Variants in DLG2 observed in about 807,000 individuals in gnomAD.
DLG2 encodes disks large homolog 2.
DLG2 carries 45 observed loss-of-function variants against 132.5 expected under a neutral mutation model. The ratio of observed to expected loss-of-function variants is 0.34; its 90% CI spans 0.27 to 0.44. The LOEUF is 0.44. DLG2 is among the 20% of genes least tolerant of loss of function. The pLI, the probability that DLG2 is intolerant of heterozygous loss-of-function variation, is 1.00. For missense variants in DLG2, 1,045 were observed against 1,196.9 expected, an observed-to-expected ratio of 0.87 and a Z score of 1.87; for synonymous variants, 424 against 419.6, an observed-to-expected ratio of 1.01 and a Z score of -0.13.
intron 27 of DLG2, among the ~76,000 whole-genome samples, chr11:83,461,197 AC>A (rs1211444533): frequency 3.3e-5 from 5 of 151,652 alleles, no homozygotes; most frequent in African/African-American, 1.2e-4. Context: ...TTTAGTAGAG[AC>A]GGGGGTTTCA....
chr11:85,321,150 AT>A (rs1466575613), intron 3 of DLG2, among the ~76,000 whole-genome samples: 1 of 151,986 alleles, frequency 6.6e-6, no homozygotes, highest in Admixed American at 6.6e-5. Context: ...TATTGGATAT[AT>A]TTTGAAGATA....
At chr11:84,176,518 C>A (rs1169607849) in intron 8 of DLG2, among the ~76,000 whole-genome samples, 1 of 151,468 alleles carries the variant, frequency 6.6e-6, no homozygotes, top group Non-Finnish European at 1.5e-5. Context: ...CTGTTAGATT[C>A]AATTAACTTA....
At chr11:84,374,627 G>T (rs190236766) in intron 7 of DLG2, among the ~76,000 whole-genome samples, 4 of 152,194 alleles carry the variant, frequency 2.6e-5, no homozygotes, top group African/African-American at 7.2e-5. Context: ...TTGTCACCTT[G>T]TTGGGCATTC....
At chr11:84,169,618 ATC>A (rs1210741307) in intron 8 of DLG2, among the ~76,000 whole-genome samples, 2 of 152,100 alleles carry the variant, frequency 1.3e-5, no homozygotes, top group African/African-American at 4.8e-5. Flanking sequence ...CACCCCTATA[ATC>A]TCAGCACTTT....
chr11:84,530,054 A>T (rs1180336649), intron 7 of DLG2, among the ~76,000 whole-genome samples: 1 of 152,210 alleles, frequency 6.6e-6, no homozygotes, highest in Non-Finnish European at 1.5e-5. Flanking sequence ...AGGACTCCCT[A>T]GTCAATAAAT....
At chr11:83,933,000 C>T (rs551070412) in intron 14 of DLG2, among the ~76,000 whole-genome samples, 2 of 152,308 alleles carry the variant, frequency 1.3e-5, no homozygotes, top group East Asian at 3.9e-4. Context: ...GCACAGTGGG[C>T]TCCTCACAGA....
chr11:83,994,442 C>T (rs1259271478), intron 11 of DLG2, among the ~76,000 whole-genome samples: 1 of 151,964 alleles, frequency 6.6e-6, no homozygotes, highest in Non-Finnish European at 1.5e-5. Flanking sequence ...CTATGTTGTC[C>T]AGGCTGGACT....
intron 19 of DLG2, among the ~76,000 whole-genome samples, chr11:83,599,269 C>T (rs1459442429): frequency 6.6e-6 from 1 of 152,166 alleles, no homozygotes; most frequent in Non-Finnish European, 1.5e-5. Flanking sequence ...CTCGGACTTC[C>T]CCTTCCCTCA....
intron 7 of DLG2, among the ~76,000 whole-genome samples, chr11:84,319,725 A>G (rs946081931): frequency 6.6e-6 from 1 of 152,196 alleles, no homozygotes; most frequent in Non-Finnish European, 1.5e-5. Flanking sequence ...CAGAATTTCT[A>G]TTTTAATAAC....
chr11:85,185,661 T>C (rs542469979), intron 4 of DLG2, among the ~76,000 whole-genome samples: 1 of 151,896 alleles, frequency 6.6e-6, no homozygotes, highest in Admixed American at 6.6e-5. Flanking sequence ...CTTTCCACTG[T>C]CTACCCATTT....
At chr11:85,508,140 A>G (rs939497714) in intron 3 of DLG2, among the ~76,000 whole-genome samples, 3 of 152,082 alleles carry the variant, frequency 2.0e-5, no homozygotes, top group Non-Finnish European at 2.9e-5. Flanking sequence ...CTTATTTGCA[A>G]TGGGTTCAAA....
At chr11:84,340,945 G>A (rs1189249901) in intron 7 of DLG2, among the ~76,000 whole-genome samples, 1 of 152,128 alleles carries the variant, frequency 6.6e-6, no homozygotes, top group Non-Finnish European at 1.5e-5. Context: ...GAGCTACGTG[G>A]AAGAACAGTA....
At chr11:83,914,766 T>C (rs2076648799) in intron 15 of DLG2, among the ~76,000 whole-genome samples, 1 of 152,084 alleles carries the variant, frequency 6.6e-6, no homozygotes, top group East Asian at 1.9e-4. Flanking sequence ...GAGACAACAA[T>C]CTGAATGGTA....
chr11:85,343,287 T>C (rs1433514885), intron 3 of DLG2, among the ~76,000 whole-genome samples: 1 of 152,164 alleles, frequency 6.6e-6, no homozygotes, highest in East Asian at 1.9e-4. Context: ...CTAGTAGCCC[T>C]TCAGTGTGTC....
At chr11:85,199,542 C>T (rs963349789) in intron 4 of DLG2, among the ~76,000 whole-genome samples, 1 of 152,130 alleles carries the variant, frequency 6.6e-6, no homozygotes, top group African/African-American at 2.4e-5. Context: ...TATAACTCAG[C>T]TATTGCTTGG....
chr11:85,604,950 C>T (rs948650146), intron 2 of DLG2, among the ~76,000 whole-genome samples: 1 of 152,106 alleles, frequency 6.6e-6, no homozygotes, highest in Non-Finnish European at 1.5e-5. Context: ...TACATAAAAT[C>T]ATTTGCCATG....
At chr11:84,143,304 G>C (rs2094935034) in intron 9 of DLG2, among the ~76,000 whole-genome samples, 1 of 152,136 alleles carries the variant, frequency 6.6e-6, no homozygotes, top group African/African-American at 2.4e-5. Flanking sequence ...TAACATATTA[G>C]CTGGGTTTTG....
intron 6 of DLG2, chr11:84,545,003 A>C (rs546058455): frequency 2.5e-4 from 104 of 416,934 alleles, no homozygotes; most frequent in Non-Finnish European, 4.5e-4. Context: ...GTATTGTCTA[A>C]AACATGTTTT....
At chr11:84,578,366 A>G (rs1248500288) in intron 6 of DLG2, among the ~76,000 whole-genome samples, 1 of 152,106 alleles carries the variant, frequency 6.6e-6, no homozygotes, top group African/African-American at 2.4e-5. Context: ...ACTCAATGCC[A>G]GCCATGAAAG....
Sources: allele counts gnomAD v4.1 joint callset (sites outside exome capture counted in the v4.1 genomes callset), GRCh38; gene constraint gnomAD v4.1.1; transcripts MANE v1.5; gene names NCBI Gene and HGNC (gene_info 2026-07-23, HGNC 2026-07-21).